The following IGSF8 variants were observed in gnomAD, a reference collection of about 807,000 sequenced individuals.
IGSF8 encodes immunoglobulin superfamily member 8, also known as CD81 partner 3.
A neutral mutation model predicts 55.5 loss-of-function variants in IGSF8; 46 were observed. The ratio of observed to expected loss-of-function variants is 0.83; its 90% CI spans 0.65 to 1.06. The LOEUF (loss-of-function observed/expected upper bound fraction) is 1.06, where lower values mean the gene tolerates loss of function less well. IGSF8 is among the 50% of genes least tolerant of loss of function. The pLI is 0.00. For missense variants in IGSF8, 731 were observed against 832.3 expected, an observed-to-expected ratio of 0.88 and a Z score of 1.50; for synonymous variants, 314 against 356.1, an observed-to-expected ratio of 0.88 and a Z score of 1.33.
rs147765595 is a variant in IGSF8, at chr1:160,093,318, T to G, written c.918A>C (p.Ala306=). The change falls in exon 4 of 7, where the codon GCA becomes GCC. Residue 306 remains alanine, a synonymous_variant. Transcript: ENST00000314485. ...GACGTTCACCAGGCCCCACTGTCAC[T>G]GCCAGCTGGCTGGCTGAAACACAGG... The part of the protein sequence containing the change: ...VDVQTLSSQL[A]VTVGPGERRI... The G allele has an allele frequency of 5.2e-5, 83 of 1,586,564 alleles. 1 individual carries two copies. In the African/African-American group the frequency reaches 9.1e-4, roughly 17 times the overall value.
Position 160,091,550 on chromosome 1 carries a change from T to C in IGSF8, c.*74A>G. 1 of 452,488 alleles carries C rather than the reference T, an allele frequency of 2.2e-6. No individual in the cohort carries two copies. Among genetic ancestry groups the C allele is most frequent in the Non-Finnish European group, 4.1e-6 (1 of 246,786 alleles). 28.0% of individuals were successfully genotyped at this position (452,488 alleles called of 1,614,324 possible). On this transcript the variant is annotated 3_prime_UTR_variant, in exon 7 of 7. Coordinates refer to ENST00000314485, the MANE Select transcript of IGSF8 (RefSeq NM_052868.6). ...GAAGAGTGGACAGAGGGAGAGGGTGTCCAGGCAACCAGAGGAGGGCTTGGA... is the reference window on the plus strand; with the variant it reads ...GAAGAGTGGACAGAGGGAGAGGGTGCCCAGGCAACCAGAGGAGGGCTTGGA...
Position 160,093,911 on chromosome 1 carries a change from C to T in IGSF8, c.703G>A (p.Ala235Thr), listed in dbSNP as rs1265870787. ...DLAVEAGAPY[A>T]ERLAAGELRL... ...AGCTCCCCTGCAGCCAATCGCTCAG[C>T]ATAGGGAGCTCCAGCCTCCACGGCC... is the stretch of plus-strand genomic sequence containing the variant. The change falls in exon 3 of 7, where the codon GCT (alanine) becomes ACT (threonine). Residue 235 changes from alanine to threonine, a missense_variant. Ala to Thr is a moderately conservative substitution (Grantham distance 58). Transcript: ENST00000314485. The T allele has an allele frequency of 6.2e-7, 1 of 1,614,264 alleles. No homozygotes were observed. The highest frequency in any genetic ancestry group is 1.1e-5 in the South Asian group (1 of 91,090).
In IGSF8 at chr1:160,093,946, C is replaced by G. The variant is rs750575560; in HGVS notation, c.668G>C (p.Arg223Pro). Residue 223 changes from arginine (R) to proline (P), a missense_variant, in exon 3 of 7, where the codon CGG becomes CCG. Physicochemically the swap from Arg to Pro is moderately radical, Grantham distance 103. Transcript: ENST00000314485. ...TCCAGCCTCCACGGCCAAGTCTGAC[C>G]GGATTCCCACCACTTCCTGCAGAGT... is the stretch of plus-strand genomic sequence containing the variant. ...RSTLQEVVGI[R>P]SDLAVEAGAP... The G allele has an allele frequency of 1.2e-5, 19 of 1,614,146 alleles. No homozygotes were observed. Among genetic ancestry groups the G allele is most frequent in the Non-Finnish European group, 1.6e-5 (19 of 1,180,064 alleles).
chr1:160,094,888 G>T lies in IGSF8; in HGVS notation c.423C>A (p.Ser141Arg). ...STDTRYLGSY[S>R]GKVELRVLPD... is the part of the protein sequence containing the mutation. ...CAGTACCTCTCAGCTCCACCTTGCC[G>T]CTGTAGCTGCCCAGGTAGCGGGTAT... The change falls in exon 2 of 7, where the codon AGC becomes AGA. Residue 141 changes from serine to arginine, a missense_variant. Physicochemically the swap from Ser to Arg is moderately radical, Grantham distance 110 (BLOSUM62 -1). Transcript: ENST00000314485. This position sits in a 1 kb window ranked among gnomAD's most constrained non-coding sequence, Gnocchi z 4.0. 6.2e-7 allele frequency: 1 copy of T among 1,612,976 alleles called. No homozygotes were observed. The highest frequency in any genetic ancestry group is 1.1e-5 in the South Asian group (1 of 91,004).
At position 160,094,594 on chromosome 1, in the gene IGSF8, G is replaced by A. The variant is rs528918919; in HGVS notation, c.442+275C>T. On this transcript the variant is annotated intron_variant, in intron 2 of 6. Transcript: ENST00000314485. The surrounding 1 kb of genome is among the most constrained non-coding windows in gnomAD (Gnocchi z 4.0). ...CAACCCAACAGTCTTCTTCGTTCTT[G>A]GGAATGGAAAGTGGACTGGACAACT... Among the ~76,000 whole-genome samples, 1 of 152,142 alleles carries A rather than the reference G, an allele frequency of 6.6e-6. No individual in the cohort carries two copies. The highest frequency in any genetic ancestry group is 2.4e-5 in the African/African-American group (1 of 41,472).
At chr1:160,097,482 G>A (rs1650509718) in intron 1 of IGSF8, among the ~76,000 whole-genome samples, 1 of 152,144 alleles carries the variant, frequency 6.6e-6, no homozygotes, top group Non-Finnish European at 1.5e-5. Flanking sequence ...CCTCTGCCTT[G>A]ACGACAGCAG....
Position 160,094,200 on chromosome 1 carries a change from G to C in IGSF8, c.443-29C>G. ...GAGAGAACAGCTGGAGTGAGGGAGG[G>C]CTGGGAGCTGGCAGCCCTTGTTACT... On this transcript the variant is annotated intron_variant, in intron 2 of 6. Coordinates refer to ENST00000314485, the MANE Select transcript of IGSF8 (RefSeq NM_052868.6). The surrounding 1 kb of genome is among the most constrained non-coding windows in gnomAD (Gnocchi z 4.0). 106 of 1,432,522 alleles carry C rather than the reference G, an allele frequency of 7.4e-5. No homozygotes were observed. The highest frequency in any genetic ancestry group is 9.1e-5 in the Non-Finnish European group (95 of 1,048,248). The allele number at this position is 1,432,522 out of a possible 1,614,324, so 88.7% of individuals were successfully genotyped here.
intron 1 of IGSF8, among the ~76,000 whole-genome samples, chr1:160,096,631 A>G (rs1650455057): frequency 6.6e-6 from 1 of 152,088 alleles, no homozygotes; most frequent in African/African-American, 2.4e-5. Context: ...TCACAGGGAG[A>G]ACTCATGGTC....
chr1:160,095,309 AC>A, intron 1 of IGSF8, 63 bp from the exon 2 acceptor site: 1 of 1,483,914 alleles, frequency 6.7e-7, no homozygotes, highest in Non-Finnish European at 9.1e-7. Flanking sequence ...CTCTGCCGCC[AC>A]AAGCACCATT....
chr1:160,094,588 G>A lies in IGSF8; in HGVS notation c.442+281C>T, dbSNP rs190385062. On this transcript the variant is annotated intron_variant, in intron 2 of 6. Transcript: ENST00000314485. The surrounding 1 kb of genome is among the most constrained non-coding windows in gnomAD (Gnocchi z 4.0). ...GCTATTCAACCCAACAGTCTTCTTC[G>A]TTCTTGGGAATGGAAAGTGGACTGG... Among the ~76,000 whole-genome samples, 5 of 152,096 alleles carry A rather than the reference G, an allele frequency of 3.3e-5. No individual in the cohort carries two copies. The highest frequency in any genetic ancestry group is 2.0e-4 in the Admixed American group (3 of 15,286).
rs758972974 is a variant in IGSF8, at chr1:160,093,347, G to A, written c.905-16C>T. ...AGCTGGCTGGCTGAAACACAGGTAG[G>A]GGAAGAGGTGTCATGGAGGCAGGAG... is the stretch of plus-strand genomic sequence containing the variant. On this transcript the variant is annotated splice_polypyrimidine_tract_variant and intron_variant, in intron 3 of 6. Coordinates refer to ENST00000314485, the MANE Select transcript of IGSF8 (RefSeq NM_052868.6). 48 of 1,566,428 alleles carry A rather than the reference G, an allele frequency of 3.1e-5. No individual in the cohort carries two copies. The Middle Eastern group carries it at 1.7e-3, about 56-fold the overall frequency.
In IGSF8 at chr1:160,091,840, T is replaced by C. The variant is rs2101953133; in HGVS notation, c.1825A>G (p.Arg609Gly). ...LGTITCCFMK[R>G]LRKR ...GTAAGGGATCACCGTTTTCGAAGCC[T>C]CTTCATGAAGCAGCAAGTGATGGTA... The change falls in exon 6 of 7, where the codon AGG becomes GGG. Residue 609 changes from arginine (R) to glycine (G), a missense_variant. Physicochemically the swap from Arg to Gly is moderately radical, Grantham distance 125. Coordinates refer to ENST00000314485, the MANE Select transcript of IGSF8 (RefSeq NM_052868.6). 1 of 1,613,540 alleles carries C rather than the reference T, an allele frequency of 6.2e-7. No individual in the cohort carries two copies. The highest frequency in any genetic ancestry group is 1.7e-4 in the Middle Eastern group (1 of 6,058).
At position 160,093,156 on chromosome 1, in the gene IGSF8, G is replaced by C; in HGVS notation, c.1080C>G (p.Ala360=). 4 of 1,613,718 alleles carry C rather than the reference G, an allele frequency of 2.5e-6. No individual in the cohort carries two copies. The highest frequency in any genetic ancestry group is 3.4e-6 in the Non-Finnish European group (4 of 1,179,844). ...TGCCCACACCCTCTGTGTCCAGCTG[G>C]GCTACCAGGCGGCCGGGCCCAGGTG... ...AGAPGPGRLV[A]QLDTEGVGSL... Residue 360 remains alanine, a synonymous_variant, in exon 4 of 7, where the codon GCC becomes GCG. Coordinates refer to ENST00000314485, the MANE Select transcript of IGSF8 (RefSeq NM_052868.6).
chr1:160,095,100 C>T lies in IGSF8; in HGVS notation c.211G>A (p.Ala71Thr). ...NFEWFLYRPE[A>T]PDTALGIVST... ...ACAATGCCCAGTGCAGTATCTGGGG[C>T]CTCGGGCCTATACAGGAACCACTCG... The change falls in exon 2 of 7, where the codon GCC becomes ACC. Residue 71 changes from alanine to threonine, a missense_variant. Transcript: ENST00000314485. 1 of 1,614,128 alleles carries T rather than the reference C, an allele frequency of 6.2e-7. No homozygotes were observed.
intron 6 of IGSF8, 24 bp from the exon 7 acceptor site, chr1:160,091,632 C>T (rs1649958723): frequency 1.7e-6 from 1 of 602,762 alleles, no homozygotes; most frequent in Non-Finnish European, 3.0e-6. Context: ...CCGGTGTGGG[C>T]TAAGGACAGA....
chr1:160,094,443 C>T lies in IGSF8; in HGVS notation c.443-272G>A, dbSNP rs1445040078. On this transcript the variant is annotated intron_variant, in intron 2 of 6. Transcript: ENST00000314485. The surrounding 1 kb of genome is among the most constrained non-coding windows in gnomAD (Gnocchi z 4.0). ...CCTCTGTTTGAAATACTGAGAAAAGCGGCTCTTTCTTCTCAGAAGACAAAG... is the reference window on the plus strand; with the variant it reads ...CCTCTGTTTGAAATACTGAGAAAAGTGGCTCTTTCTTCTCAGAAGACAAAG... Among the ~76,000 whole-genome samples, 2 of 152,280 alleles carry T rather than the reference C, an allele frequency of 1.3e-5. No homozygotes were observed. Among genetic ancestry groups the T allele is most frequent in the Non-Finnish European group, 2.9e-5 (2 of 68,032 alleles).
chr1:160,093,693 G>A lies in IGSF8; in HGVS notation c.904+17C>T, dbSNP rs369397655. On this transcript the variant is annotated intron_variant, in intron 3 of 6. Coordinates refer to ENST00000314485, the MANE Select transcript of IGSF8 (RefSeq NM_052868.6). ...TCCCTCCCAGCTCCCACAGTGGGAT[G>A]TATAAGTGGCACTTACACAGCGTCT... 8.2e-6 allele frequency: 13 copies of A among 1,576,074 alleles called. No homozygotes were observed. The African/African-American group carries it at 1.1e-4, about 13-fold the overall frequency.
At chr1:160,098,269 C>A in intron 1 of IGSF8, 140 bp downstream of exon 1, 1 of 1,261,028 alleles carries the variant, frequency 7.9e-7, no homozygotes, top group South Asian at 1.5e-5. Flanking sequence ...AGCCACAAAG[C>A]GCAGCTGGAC....
In IGSF8 at chr1:160,092,523, C is replaced by T. The variant is rs749485630; in HGVS notation, c.1485G>A (p.Gln495=). ...CATCCTGGCCTACGCCACCCACCAGCTGGGCAGGGACAGAGCTGAGCTCTC... is the reference window on the plus strand; with the variant it reads ...CATCCTGGCCTACGCCACCCACCAGTTGGGCAGGGACAGAGCTGAGCTCTC... ...EDGELSSVPA[Q]LVGGVGQDGV... Residue 495 remains glutamine (Q), a synonymous_variant, in exon 5 of 7, where the codon CAG becomes CAA. Coordinates refer to ENST00000314485, the MANE Select transcript of IGSF8 (RefSeq NM_052868.6). The T allele has an allele frequency of 2.5e-6, 4 of 1,613,132 alleles. No homozygotes were observed. Among genetic ancestry groups the T allele is most frequent in the Admixed American group, 3.3e-5 (2 of 59,972 alleles).
Sources: allele counts gnomAD v4.1 joint callset (sites outside exome capture counted in the v4.1 genomes callset), GRCh38; gene constraint gnomAD v4.1.1; non-coding constraint Gnocchi (gnomAD v3.1); transcripts MANE v1.5; gene names NCBI Gene and HGNC (gene_info 2026-07-23, HGNC 2026-07-21).